ATP11A: variants seen among roughly 807,000 people sequenced by gnomAD.
ATP11A encodes phospholipid-transporting ATPase IH.
A neutral mutation model predicts 154.4 loss-of-function variants in ATP11A; 81 were observed. The observed-to-expected ratio is 0.52, with a 90% confidence interval of 0.44 to 0.63. The LOEUF is 0.63. Ranked by LOEUF, ATP11A falls within the 30% of genes least tolerant of loss-of-function variation. The pLI is 0.00. For synonymous variants in ATP11A, 623 were observed against 585.9 expected (o/e 1.06, Z -0.91); for missense variants, 1,316 against 1,474.3 (o/e 0.89, Z 1.76).
intron 1 of ATP11A, among the ~76,000 whole-genome samples, chr13:112,774,135 C>A (rs1022205682): frequency 6.6e-6 from 1 of 152,204 alleles, no homozygotes; most frequent in Non-Finnish European, 1.5e-5. Context: ...TAGGAAATGT[C>A]CAATACAAAG....
In ATP11A at chr13:112,819,943, G is replaced by T; in HGVS notation, c.718G>T (p.Val240Leu). ...INVYSDLNDP[V>L]VRPLGSENLL... ...CGTTTACAGTGACCTGAATGACCCCGTGGTGAGGTGAGTGCCTCTGCGGAT... is the reference window on the plus strand; with the variant it reads ...CGTTTACAGTGACCTGAATGACCCCTTGGTGAGGTGAGTGCCTCTGCGGAT... The change falls in exon 8 of 30, where the codon GTG becomes TTG. Residue 240 changes from valine (V) to leucine (L), a missense_variant. Physicochemically the swap from Val to Leu is conservative, Grantham distance 32. This residue lies in a region of ATP11A where 876 missense variants were observed against 1,006.8 expected (regional missense o/e 0.87). Coordinates refer to ENST00000375645, the MANE Select transcript of ATP11A (RefSeq NM_015205.3). 5 of 1,606,840 alleles carry T rather than the reference G, an allele frequency of 3.1e-6. No individual in the cohort carries two copies. The highest frequency in any genetic ancestry group is 4.2e-6 in the Non-Finnish European group (5 of 1,176,506).
intron 1 of ATP11A, among the ~76,000 whole-genome samples, chr13:112,691,387 C>T (rs1441965014): frequency 6.6e-6 from 1 of 151,044 alleles, no homozygotes; most frequent in East Asian, 2.0e-4. Flanking sequence ...TCGCTTGAAC[C>T]CGGGAGGCGG....
intron 29 of ATP11A, chr13:112,880,279 C>G (rs2080845197): frequency 1.2e-5 from 2 of 162,510 alleles, no homozygotes; most frequent in Admixed American, 6.3e-5. Context: ...GACCCTCTGC[C>G]TCCCGCGGGT....
rs139197453 is a variant in ATP11A at position 112,719,869 on chromosome 13, T to G, written c.39+29414T>G. On this transcript the variant is annotated intron_variant, in intron 1 of 29. Coordinates refer to ENST00000375645, the MANE Select transcript of ATP11A (RefSeq NM_015205.3). ...GTCTGTTGGGGCCTAGTGCTGGAGC[T>G]CAGTCCAAAACAACAGTCTCCCATA... Among the ~76,000 whole-genome samples, 5 of 152,292 alleles carry G rather than the reference T, an allele frequency of 3.3e-5. No individual in the cohort carries two copies. In the East Asian group the frequency reaches 9.6e-4, roughly 29 times the overall value.
chr13:112,833,396 C>T (rs528937806), intron 14 of ATP11A, among the ~76,000 whole-genome samples: 87 of 152,300 alleles, frequency 5.7e-4, no homozygotes, highest in South Asian at 2.9e-3. Context: ...AGAGGCCCAG[C>T]GGCCTTCCCA....
chr13:112,754,226 G>A lies in ATP11A; in HGVS notation c.40-30909G>A, dbSNP rs112836842. Among the ~76,000 whole-genome samples the A allele has an allele frequency of 1.0e-3, 154 of 152,338 alleles. 2 individuals are homozygous for A. The highest frequency in any genetic ancestry group is 3.3e-3 in the African/African-American group (139 of 41,588). On this transcript the variant is annotated intron_variant, in intron 1 of 29. Coordinates refer to ENST00000375645, the MANE Select transcript of ATP11A (RefSeq NM_015205.3). The surrounding 1 kb of genome is among the most constrained non-coding windows in gnomAD (Gnocchi z 5.3). ...CTCGCAGAAGGCAGAGAAGGCCGTG[G>A]AATAACAGGGCCGGGTTCTCACTGG...
chr13:112,726,045 CA>C (rs1196913013), intron 1 of ATP11A, among the ~76,000 whole-genome samples: 1 of 152,262 alleles, frequency 6.6e-6, no homozygotes, highest in Non-Finnish European at 1.5e-5. Context: ...TCTGTAAACG[CA>C]GCTGGTGTCT....
At position 112,885,481 on chromosome 13, in the gene ATP11A, A is replaced by G. The variant is rs1457839352; in HGVS notation, c.*3615A>G. Reference sequence around the variant, plus strand: ...CGTACACATGTGAGCTCCCACACGTACACACAGATGCACATGGACACACCC... The same window carrying G: ...CGTACACATGTGAGCTCCCACACGTGCACACAGATGCACATGGACACACCC... On this transcript the variant is annotated 3_prime_UTR_variant, in exon 30 of 30. Transcript: ENST00000375645. 6.6e-6 allele frequency: 1 copy of G among 152,160 alleles called. No individual in the cohort carries two copies. Among genetic ancestry groups the G allele is most frequent in the African/African-American group, 2.4e-5 (1 of 41,402 alleles). The allele number at this position is 152,160 out of a possible 1,614,324, so 9.4% of individuals were successfully genotyped here.
Position 112,833,002 on chromosome 13 carries a change from C to T in ATP11A, c.1538C>T (p.Ala513Val), listed in dbSNP as rs151067179. ...VYISSSPDEV[A>V]LVEGVQRLGF... ...ATCTCATCCTCGCCCGACGAGGTGG[C>T]GCTGGTCGAAGGTGTCCAGAGGTAC... Residue 513 changes from alanine (A) to valine (V), a missense_variant, in exon 14 of 30, where the codon GCG (alanine) becomes GTG (valine). Physicochemically the swap from Ala to Val is moderately conservative, Grantham distance 64 (BLOSUM62 0). Around this residue, in one of 5 missense-constraint regions of ATP11A, gnomAD observed 876 missense variants for 1,006.8 expected, o/e 0.87. Coordinates refer to ENST00000375645, the MANE Select transcript of ATP11A (RefSeq NM_015205.3). The T allele has an allele frequency of 1.8e-4, 287 of 1,612,962 alleles. No individual in the cohort carries two copies. The African/African-American group carries it at 3.3e-3, about 19-fold the overall frequency.
In ATP11A at chr13:112,746,175, T is replaced by C. The variant is rs1384685844; in HGVS notation, c.40-38960T>C. ...ACGTCTCCTCCACGTACTGAGTTCG[T>C]GTCTTTTGGATGCGCGCCCAGAGGT... is the stretch of plus-strand genomic sequence containing the variant. On this transcript the variant is annotated intron_variant, in intron 1 of 29. Coordinates refer to ENST00000375645, the MANE Select transcript of ATP11A (RefSeq NM_015205.3). The surrounding 1 kb of genome is among the most constrained non-coding windows in gnomAD (Gnocchi z 4.1). 2.7e-5 allele frequency: 4 copies of C among 150,012 alleles called. No homozygotes were observed. The highest frequency in any genetic ancestry group is 5.9e-5 in the Non-Finnish European group (4 of 68,048). 9.3% of individuals were successfully genotyped at this position (150,012 alleles called of 1,614,324 possible).
intron 2 of ATP11A, among the ~76,000 whole-genome samples, chr13:112,796,028 G>A (rs1192317210): frequency 9.2e-5 from 14 of 152,228 alleles, no homozygotes; most frequent in Admixed American, 9.2e-4. Flanking sequence ...TTGAGGTGGG[G>A]TTAGCAAATT....
At chr13:112,830,949 G>A (rs573518951) in intron 12 of ATP11A, among the ~76,000 whole-genome samples, 70 of 152,232 alleles carry the variant, frequency 4.6e-4, no homozygotes, top group Non-Finnish European at 3.7e-4. Flanking sequence ...TATAGAGTAA[G>A]TTCGTCCTCT....
At chr13:112,701,905 G>C (rs572868574) in intron 1 of ATP11A, among the ~76,000 whole-genome samples, 1 of 152,104 alleles carries the variant, frequency 6.6e-6, no homozygotes, top group African/African-American at 2.4e-5. Flanking sequence ...TGTTACCCCC[G>C]GCACTGTGCT....
intron 2 of ATP11A, among the ~76,000 whole-genome samples, chr13:112,801,804 CCATGT>C (rs1487279518): frequency 2.6e-5 from 4 of 152,260 alleles, no homozygotes; most frequent in Admixed American, 1.3e-4. Context: ...GAGAGATGTT[CCATGT>C]TCATGGATGG....
intron 1 of ATP11A, among the ~76,000 whole-genome samples, chr13:112,707,386 G>C (rs1488764574): frequency 6.8e-6 from 1 of 147,394 alleles, no homozygotes; most frequent in Non-Finnish European, 1.5e-5. Flanking sequence ...TTGCACTCCA[G>C]CCTGGGCAAT....
intron 5 of ATP11A, among the ~76,000 whole-genome samples, chr13:112,810,950 A>T (rs1005683480): frequency 6.6e-6 from 1 of 152,150 alleles, no homozygotes; most frequent in Admixed American, 6.5e-5. Context: ...CTGTCTCTTA[A>T]ACATTTTTAA....
At position 112,754,425 on chromosome 13, in the gene ATP11A, C is replaced by G. The variant is rs931698751; in HGVS notation, c.40-30710C>G. The stretch of plus-strand genomic sequence containing the variant: ...TCACCCAGGCATCCCTCCCAGCGGC[C>G]CTGTGAGGCAGGTGCCACCCCACAG... On this transcript the variant is annotated intron_variant, in intron 1 of 29. Transcript: ENST00000375645. This position sits in a 1 kb window ranked among gnomAD's most constrained non-coding sequence, Gnocchi z 5.3. 2 of 152,396 alleles carry G rather than the reference C, an allele frequency of 1.3e-5. No homozygotes were observed. The highest frequency in any genetic ancestry group is 4.8e-5 in the African/African-American group (2 of 41,398). The allele number at this position is 152,396 out of a possible 1,614,324, so 9.4% of individuals were successfully genotyped here.
At chr13:112,776,424 C>G (rs1438283317) in intron 1 of ATP11A, among the ~76,000 whole-genome samples, 1 of 152,144 alleles carries the variant, frequency 6.6e-6, no homozygotes, top group African/African-American at 2.4e-5. Context: ...CCAGTGAGGC[C>G]AGTGCTGCCC....
At chr13:112,694,597 G>A (rs1885578234) in intron 1 of ATP11A, among the ~76,000 whole-genome samples, 1 of 152,160 alleles carries the variant, frequency 6.6e-6, no homozygotes, top group African/African-American at 2.4e-5. Flanking sequence ...CCTCTATGTA[G>A]GGCATTTGAT....
Sources: gnomAD v4.1 joint callset for allele counts (sites outside exome capture counted in the v4.1 genomes callset) on GRCh38, gnomAD v4.1.1 for gene constraint, gnomAD v4.1.1 regional missense constraint, Gnocchi (gnomAD v3.1) non-coding constraint, MANE v1.5 for transcripts, NCBI Gene and HGNC (gene_info 2026-07-23, HGNC 2026-07-21) for gene names.